ZDHHC14: variants seen among roughly 807,000 people sequenced by gnomAD.
The protein encoded by ZDHHC14 is zDHHC palmitoyltransferase 14.
In ZDHHC14, 16 loss-of-function variants were observed where a neutral mutation model predicts 47.7. That is an observed-to-expected ratio of 0.34 (90% confidence interval 0.23 to 0.51). The LOEUF is 0.51. Ranked by LOEUF, ZDHHC14 falls within the 20% of genes least tolerant of loss-of-function variation. The pLI is 0.97. For missense variants in ZDHHC14, 515 were observed against 662.5 expected, an observed-to-expected ratio of 0.78 and a Z score of 2.44; for synonymous variants, 293 against 278.9, an observed-to-expected ratio of 1.05 and a Z score of -0.50.
Position 157,611,291 on chromosome 6 carries a change from C to T in ZDHHC14, c.566-17058C>T, listed in dbSNP as rs191890419. 1.1e-4 allele frequency among the ~76,000 whole-genome samples: 17 copies of T among 152,236 alleles called. No homozygotes were observed. The East Asian group carries it at 1.3e-3, about 12-fold the overall frequency. On this transcript the variant is annotated intron_variant, in intron 3 of 8. Transcript: ENST00000359775. ...CTGGGATTACAGTCATGAGCCCCCG[C>T]GCCTGGCCAATATGTGTACTTTTAA...
At chr6:157,458,383 T>C (rs1310406625) in intron 1 of ZDHHC14, among the ~76,000 whole-genome samples, 3 of 152,196 alleles carry the variant, frequency 2.0e-5, no homozygotes, top group Admixed American at 2.0e-4. Flanking sequence ...CAACATGAAA[T>C]GGTAGAAAAT....
intron 5 of ZDHHC14, among the ~76,000 whole-genome samples, chr6:157,643,909 C>G (rs1437981975): frequency 6.6e-6 from 1 of 151,852 alleles, no homozygotes; most frequent in Non-Finnish European, 1.5e-5. Flanking sequence ...CTTGGTGACA[C>G]ATAAGTATTT....
chr6:157,520,637 C>G (rs138726389), intron 1 of ZDHHC14, among the ~76,000 whole-genome samples: 6 of 152,334 alleles, frequency 3.9e-5, no homozygotes, highest in Non-Finnish European at 7.3e-5. Context: ...AGCCCTAGCA[C>G]CTGCTTCTTA....
rs1452908512 is a variant in ZDHHC14 at position 157,518,203 on chromosome 6, A to G, written c.246-24382A>G. 3.3e-5 allele frequency among the ~76,000 whole-genome samples: 5 copies of G among 152,038 alleles called. No individual in the cohort carries two copies. The South Asian group carries it at 6.2e-4, about 19-fold the overall frequency. ...TCTTTCTTTTTTGTGCTTCAACTCT[A>G]AAGAATCATGCACTATGAAGGAAGT... On this transcript the variant is annotated intron_variant, in intron 1 of 8. Transcript: ENST00000359775.
At chr6:157,422,298 C>T (rs1186860027) in intron 1 of ZDHHC14, among the ~76,000 whole-genome samples, 2 of 152,082 alleles carry the variant, frequency 1.3e-5, no homozygotes. Context: ...GGGTTGCTGT[C>T]AGAGAAACAA....
At chr6:157,670,202 G>C (rs1026532721) in intron 8 of ZDHHC14, among the ~76,000 whole-genome samples, 2 of 152,240 alleles carry the variant, frequency 1.3e-5, no homozygotes, top group African/African-American at 4.8e-5. Context: ...CCACCTGACA[G>C]CTTGGAGAAG....
Position 157,381,482 on chromosome 6 carries a change from C to T in ZDHHC14, c.-540C>T, listed in dbSNP as rs1583597063. 2.7e-6 allele frequency: 1 copy of T among 366,840 alleles called. No homozygotes were observed. The highest frequency in any genetic ancestry group is 5.5e-6 in the Non-Finnish European group (1 of 181,048). 22.7% of individuals were successfully genotyped at this position (366,840 alleles called of 1,614,324 possible). On this transcript the variant is annotated 5_prime_UTR_variant, in exon 1 of 9. Transcript: ENST00000359775. ...GGGTTGCCGGTGCCGCGCGCGGCCG[C>T]CCAGTCGCCAGCGCTCTCTCCTGGG...
At chr6:157,496,528 A>G (rs1780069958) in intron 1 of ZDHHC14, among the ~76,000 whole-genome samples, 1 of 152,200 alleles carries the variant, frequency 6.6e-6, no homozygotes, top group Admixed American at 6.5e-5. Flanking sequence ...CCCTAATCAG[A>G]TATGACTAGT....
intron 3 of ZDHHC14, among the ~76,000 whole-genome samples, chr6:157,597,361 A>T (rs1341278090): frequency 1.3e-5 from 2 of 152,118 alleles, no homozygotes; most frequent in African/African-American, 4.8e-5. Context: ...AGGCCCTATG[A>T]GGGATGTCTG....
chr6:157,461,900 G>A (rs376042663), intron 1 of ZDHHC14, among the ~76,000 whole-genome samples: 1 of 152,142 alleles, frequency 6.6e-6, no homozygotes, highest in South Asian at 2.1e-4. Flanking sequence ...GAGGCACAGC[G>A]GTTCTGGGTC....
At chr6:157,452,570 G>A (rs1294323599) in intron 1 of ZDHHC14, among the ~76,000 whole-genome samples, 1 of 151,538 alleles carries the variant, frequency 6.6e-6, no homozygotes, top group Non-Finnish European at 1.5e-5. Flanking sequence ...CTTTCCTTTT[G>A]GTAGAGCTTA....
At chr6:157,507,616 T>A (rs1780360021) in intron 1 of ZDHHC14, among the ~76,000 whole-genome samples, 2 of 152,180 alleles carry the variant, frequency 1.3e-5, no homozygotes, top group South Asian at 2.1e-4. Flanking sequence ...CTTTTCCACA[T>A]CTTCCAACAG....
At chr6:157,528,429 A>G (rs1781237032) in intron 1 of ZDHHC14, among the ~76,000 whole-genome samples, 1 of 151,874 alleles carries the variant, frequency 6.6e-6, no homozygotes, top group Non-Finnish European at 1.5e-5. Context: ...GCATTAATCA[A>G]TTAATTTAAA....
At chr6:157,583,034 T>C (rs942486540) in intron 2 of ZDHHC14, among the ~76,000 whole-genome samples, 1 of 151,990 alleles carries the variant, frequency 6.6e-6, no homozygotes, top group African/African-American at 2.4e-5. Context: ...GATTTCATTA[T>C]GAAATTCTTA....
chr6:157,655,844 A>G (rs368756498), intron 8 of ZDHHC14, among the ~76,000 whole-genome samples: 21 of 152,212 alleles, frequency 1.4e-4, no homozygotes, highest in African/African-American at 3.4e-4. Flanking sequence ...TGTGACCCCC[A>G]TAATACTGGG....
chr6:157,517,392 C>A (rs1252812706), intron 1 of ZDHHC14, among the ~76,000 whole-genome samples: 2 of 151,254 alleles, frequency 1.3e-5, no homozygotes, highest in African/African-American at 2.4e-5. Flanking sequence ...TCAACTATAA[C>A]CTCCGCCTCC....
At chr6:157,511,411 T>A (rs1449114161) in intron 1 of ZDHHC14, among the ~76,000 whole-genome samples, 1 of 151,868 alleles carries the variant, frequency 6.6e-6, no homozygotes, top group African/African-American at 2.4e-5. Context: ...GACGGAGTCT[T>A]GCTTTGTTGC....
intron 1 of ZDHHC14, among the ~76,000 whole-genome samples, chr6:157,437,692 A>G (rs1778468917): frequency 6.6e-6 from 1 of 152,238 alleles, no homozygotes; most frequent in African/African-American, 2.4e-5. Flanking sequence ...AGGTATGACT[A>G]AAGGCTACTA....
chr6:157,441,947 C>G (rs1182995391), intron 1 of ZDHHC14, among the ~76,000 whole-genome samples: 1 of 152,300 alleles, frequency 6.6e-6, no homozygotes, highest in Admixed American at 6.5e-5. Flanking sequence ...TTAGCATTAG[C>G]ATTACAGTTA....
Sources: allele counts gnomAD v4.1 joint callset (sites outside exome capture counted in the v4.1 genomes callset), GRCh38; gene constraint gnomAD v4.1.1; transcripts MANE v1.5; gene names NCBI Gene and HGNC (gene_info 2026-07-23, HGNC 2026-07-21).